ATL2: variants seen among roughly 807,000 people sequenced by gnomAD.
ATL2 encodes atlastin-2.
A neutral mutation model predicts 73.9 loss-of-function variants in ATL2; 31 were observed. The ratio of observed to expected loss-of-function variants is 0.42; its 90% CI spans 0.32 to 0.57. The LOEUF (loss-of-function observed/expected upper bound fraction) is 0.57, where lower values mean the gene tolerates loss of function less well. Among genes scored for constraint, ATL2 ranks in the 20% least tolerant of loss-of-function variants. The pLI, the probability that ATL2 is intolerant of heterozygous loss-of-function variation, is 0.14. For missense variants in ATL2, 738 were observed against 702.6 expected, an observed-to-expected ratio of 1.05 and a Z score of -0.57; for synonymous variants, 291 against 237.5, an observed-to-expected ratio of 1.23 and a Z score of -2.07.
chr2:38,305,382 T>C (rs1667929601), intron 9 of ATL2, among the ~76,000 whole-genome samples: 1 of 152,086 alleles, frequency 6.6e-6, no homozygotes, highest in African/African-American at 2.4e-5. Flanking sequence ...ACCCCATCTC[T>C]ACTAAAAATA....
intron 1 of ATL2, among the ~76,000 whole-genome samples, chr2:38,372,032 A>G (rs1370880959): frequency 6.6e-6 from 1 of 152,134 alleles, no homozygotes; most frequent in Non-Finnish European, 1.5e-5. Context: ...TGTAGTTCTA[A>G]TCACTGTCCA....
At chr2:38,325,728 AC>A (rs1668613322) in intron 2 of ATL2, among the ~76,000 whole-genome samples, 1 of 118,496 alleles carries the variant, frequency 8.4e-6, no homozygotes, top group Admixed American at 7.7e-5. Flanking sequence ...ACACACACAC[AC>A]ACACACACAC....
At chr2:38,373,654 T>C (rs937476744) in intron 1 of ATL2, among the ~76,000 whole-genome samples, 4 of 152,214 alleles carry the variant, frequency 2.6e-5, no homozygotes, top group African/African-American at 7.2e-5. Flanking sequence ...TTTAAAAAAC[T>C]GTATCCAAGT....
intron 6 of ATL2, among the ~76,000 whole-genome samples, chr2:38,314,226 A>G (rs1019972288): frequency 6.6e-6 from 1 of 152,230 alleles, no homozygotes; most frequent in Non-Finnish European, 1.5e-5. Flanking sequence ...ATAAAGAGTA[A>G]CAGAACTAAT....
At chr2:38,297,618 C>T (rs914418457) in intron 12 of ATL2, among the ~76,000 whole-genome samples, 1 of 152,134 alleles carries the variant, frequency 6.6e-6, no homozygotes, top group African/African-American at 2.4e-5. Context: ...TTCCAAAACA[C>T]AAAGGTCAAA....
rs139282867 is a variant in ATL2, at chr2:38,344,343, G to A, written c.119-831C>T. ...ATTAAAATTGTTCATGTGGCTGGGT[G>A]CAGTGGGTGTAATCCCAACACTTTG... On this transcript the variant is annotated intron_variant, in intron 1 of 12. Transcript: ENST00000378954. Among the ~76,000 whole-genome samples the A allele has an allele frequency of 6.4e-4, 97 of 152,236 alleles. 1 individual carries two copies. In the East Asian group the frequency reaches 9.3e-3, roughly 15 times the overall value.
chr2:38,356,570 T>C (rs933104456), intron 1 of ATL2, among the ~76,000 whole-genome samples: 1 of 152,174 alleles, frequency 6.6e-6, no homozygotes, highest in Non-Finnish European at 1.5e-5. Context: ...AGACACTAAA[T>C]GCTTATCAGA....
chr2:38,354,568 A>C (rs1670551894), intron 1 of ATL2, among the ~76,000 whole-genome samples: 1 of 152,182 alleles, frequency 6.6e-6, no homozygotes, highest in Admixed American at 6.5e-5. Flanking sequence ...CTTTAAAACA[A>C]ACAAAAAGAA....
intron 1 of ATL2, among the ~76,000 whole-genome samples, chr2:38,360,107 G>A (rs1670919416): frequency 6.8e-6 from 1 of 147,012 alleles, no homozygotes; most frequent in South Asian, 2.2e-4. Flanking sequence ...ACTCTAGCCT[G>A]GGCAGAGCAA....
At chr2:38,306,486 C>T (rs769885488) in intron 9 of ATL2, among the ~76,000 whole-genome samples, 1 of 152,142 alleles carries the variant, frequency 6.6e-6, no homozygotes, top group Non-Finnish European at 1.5e-5. Flanking sequence ...AAATCCTCAA[C>T]AAAATACTAG....
At chr2:38,355,279 A>T (rs547421258) in intron 1 of ATL2, among the ~76,000 whole-genome samples, 14 of 152,140 alleles carry the variant, frequency 9.2e-5, no homozygotes, top group Admixed American at 3.9e-4. Context: ...GTCGCCCTCC[A>T]CCATGCCCAG....
At chr2:38,358,497 T>G (rs534083594) in intron 1 of ATL2, 178 of 236,378 alleles carry the variant, frequency 7.5e-4, no homozygotes, top group African/African-American at 3.8e-3. Flanking sequence ...GGTCAGGAGA[T>G]CGAGACCACA....
In ATL2 at chr2:38,313,241, T is replaced by C. The variant is rs144005112; in HGVS notation, c.714A>G (p.Thr238=). ...TCCAATCTCGAATCAAAAACATTAA[T>C]GTCTATACACAGAAAAAATAAAAAT... The part of the protein sequence containing the change: ...MEEIYQKPFQ[T]LMFLIRDWSY... Residue 238 remains threonine, a splice_region_variant and synonymous_variant, in exon 7 of 13, where the codon ACA becomes ACG. Transcript: ENST00000378954. The C allele has an allele frequency of 7.6e-5, 121 of 1,601,884 alleles. No individual in the cohort carries two copies. The African/African-American group carries it at 1.4e-3, about 19-fold the overall frequency.
In ATL2 at chr2:38,377,131, G is replaced by T. The variant is rs1409217631; in HGVS notation, c.118+12C>A. Reference sequence around the variant, plus strand: ...ATCAGGGCCCCGCGGCCTCTGCCTCGCTGGCCCGTACCTAGGGAGGTCGTG... The same window carrying T: ...ATCAGGGCCCCGCGGCCTCTGCCTCTCTGGCCCGTACCTAGGGAGGTCGTG... On this transcript the variant is annotated intron_variant, in intron 1 of 12. Transcript: ENST00000378954. 3.7e-6 allele frequency: 6 copies of T among 1,607,974 alleles called. No individual in the cohort carries two copies. Among genetic ancestry groups the T allele is most frequent in the Non-Finnish European group, 5.1e-6 (6 of 1,177,998 alleles).
At chr2:38,337,729 A>C (rs533699292) in intron 2 of ATL2, among the ~76,000 whole-genome samples, 1 of 152,076 alleles carries the variant, frequency 6.6e-6, no homozygotes, top group African/African-American at 2.4e-5. Flanking sequence ...ATTGGAATTG[A>C]TAAGTGCTAA....
At chr2:38,319,385 G>T (rs953723747) in intron 2 of ATL2, among the ~76,000 whole-genome samples, 2 of 152,126 alleles carry the variant, frequency 1.3e-5, no homozygotes, top group African/African-American at 4.8e-5. Context: ...TATCACTTGA[G>T]GCCAGGAATT....
chr2:38,311,027 C>A (rs1364033767), intron 7 of ATL2, among the ~76,000 whole-genome samples: 1 of 151,966 alleles, frequency 6.6e-6, no homozygotes, highest in Non-Finnish European at 1.5e-5. Flanking sequence ...TATCTAATAA[C>A]CAAATAACAA....
At chr2:38,296,515 G>A (rs1030744977) in intron 12 of ATL2, 3 of 1,613,944 alleles carry the variant, frequency 1.9e-6, no homozygotes, top group East Asian at 4.5e-5. Context: ...TTGGATGACA[G>A]TCTCTGTCGC....
intron 6 of ATL2, among the ~76,000 whole-genome samples, chr2:38,314,030 C>T (rs560341236): frequency 6.6e-6 from 1 of 152,100 alleles, no homozygotes; most frequent in Admixed American, 6.5e-5. Context: ...CAATGTAAAC[C>T]CATTAAGATT....
Sources: allele counts gnomAD v4.1 joint callset (sites outside exome capture counted in the v4.1 genomes callset), GRCh38; gene constraint gnomAD v4.1.1; transcripts MANE v1.5; gene names NCBI Gene and HGNC (gene_info 2026-07-23, HGNC 2026-07-21).